NCF2: variants seen among roughly 807,000 people sequenced by gnomAD.
NCF2 encodes the protein neutrophil cytosolic factor 2, also known as neutrophil cytosol factor 2.
A neutral mutation model predicts 70.9 loss-of-function variants in NCF2; 45 were observed. The observed-to-expected ratio is 0.63, with a 90% CI of 0.50 to 0.81. NCF2 has a LOEUF of 0.81. Ranked by LOEUF, NCF2 falls within the 40% of genes least tolerant of loss-of-function variation. The pLI, the probability that NCF2 is intolerant of heterozygous loss-of-function variation, is 0.00. For missense variants in NCF2, 522 were observed against 631.6 expected, an observed-to-expected ratio of 0.83 and a Z score of 1.86; for synonymous variants, 203 against 233.6, an observed-to-expected ratio of 0.87 and a Z score of 1.19.
chr1:183,583,933 G>A (rs962319630), intron 2 of NCF2, among the ~76,000 whole-genome samples: 3 of 152,220 alleles, frequency 2.0e-5, no homozygotes, highest in Non-Finnish European at 2.9e-5. Context: ...GACAAGAGCA[G>A]TGGCTGGAAA....
In NCF2 at chr1:183,569,299, A is replaced by C. The variant is rs34680162; in HGVS notation, c.670-114T>G. 2,170 of 1,005,278 alleles carry C rather than the reference A, an allele frequency of 2.2e-3. 30 individuals are homozygous for C. The African/African-American group carries it at 0.031, about 14-fold the overall frequency. The allele number at this position is 1,005,278 out of a possible 1,614,324, so 62.3% of individuals were successfully genotyped here. On this transcript the variant is annotated intron_variant, in intron 6 of 14. Coordinates refer to ENST00000367535, the MANE Select transcript of NCF2 (RefSeq NM_000433.4). Reference sequence around the variant, plus strand: ...TTCTTCCAGACCAGAAAATCAAATAACGCATTTCTGACTGATGAGAACACT... The same window carrying C: ...TTCTTCCAGACCAGAAAATCAAATACCGCATTTCTGACTGATGAGAACACT...
intron 5 of NCF2, among the ~76,000 whole-genome samples, chr1:183,571,460 C>A (rs1327629185): frequency 6.6e-6 from 1 of 152,172 alleles, no homozygotes; most frequent in Non-Finnish European, 1.5e-5. Flanking sequence ...GCATTTATCA[C>A]ATTCACAATG....
intron 2 of NCF2, among the ~76,000 whole-genome samples, chr1:183,578,038 CTT>C (rs1282273551): frequency 6.6e-6 from 1 of 152,194 alleles, no homozygotes; most frequent in Non-Finnish European, 1.5e-5. Context: ...CTCATTCTCT[CTT>C]GAGAGCTCCA....
chr1:183,578,845 G>C (rs1250067654), intron 2 of NCF2, among the ~76,000 whole-genome samples: 1 of 152,224 alleles, frequency 6.6e-6, no homozygotes, highest in African/African-American at 2.4e-5. Flanking sequence ...TTCTGAGGAT[G>C]CTGGCCCAGG....
At chr1:183,559,624 C>T (rs746547879) in intron 14 of NCF2, among the ~76,000 whole-genome samples, 10 of 152,040 alleles carry the variant, frequency 6.6e-5, no homozygotes, top group African/African-American at 1.7e-4. Context: ...TTTAGGAGGC[C>T]GAGGCAGTTG....
At chr1:183,600,894 C>A in the NCF2 span, among the ~76,000 whole-genome samples, 241 of 152,276 alleles carry the variant, frequency 1.6e-3, 1 homozygote, top group African/African-American at 5.5e-3. Context: ...TCCCACTGAC[C>A]GCATCAGAGC....
intron 13 of NCF2, among the ~76,000 whole-genome samples, chr1:183,562,710 G>A (rs1572150080): frequency 6.6e-6 from 1 of 151,782 alleles, no homozygotes; most frequent in East Asian, 1.9e-4. Flanking sequence ...GCAGGTGCCT[G>A]TAATCCCAGC....
At position 183,555,724 on chromosome 1, in the gene NCF2, GTTTT is replaced by G; in HGVS notation, c.*390_*393del. 1 of 199,982 alleles carries G rather than the reference GTTTT, an allele frequency of 5.0e-6. No homozygotes were observed. The highest frequency in any genetic ancestry group is 8.5e-5 in the South Asian group (1 of 11,804). The allele number at this position is 199,982 out of a possible 1,614,324, so 12.4% of individuals were successfully genotyped here. ...GTGTCTTGTTTTTGTAAGATGCTAG[GTTTT>G]TTTTTATTGTGGTATGACACAGAAA... On this transcript the variant is annotated 3_prime_UTR_variant, in exon 15 of 15. Transcript: ENST00000367535.
chr1:183,599,423 C>CTTCTTTCTTTCTTTCTTTCTTTCTTTCT, the NCF2 span, among the ~76,000 whole-genome samples: 102 of 107,504 alleles, frequency 9.5e-4, 1 homozygote, highest in East Asian at 2.9e-3. Flanking sequence ...TCTTTCTTTC[C>CTTCTTTCTTTCTTTCTTTCTTTCTTTCT]TTCTTTCTTT....
chr1:183,569,319 A>T, intron 6 of NCF2, 134 bp from the exon 7 acceptor site: 1 of 852,408 alleles, frequency 1.2e-6, no homozygotes, highest in Non-Finnish European at 2.0e-6. Flanking sequence ...GACTGATGAG[A>T]ACACTGTCTA....
chr1:183,576,298 C>G (rs111447649), intron 3 of NCF2, among the ~76,000 whole-genome samples: 1 of 152,206 alleles, frequency 6.6e-6, no homozygotes, highest in Admixed American at 6.5e-5. Flanking sequence ...TTAACCCCAA[C>G]TCCAGGGGAA....
chr1:183,592,333 A>G (rs1030450188), upstream of NCF2, among the ~76,000 whole-genome samples: 15 of 152,192 alleles, frequency 9.9e-5, no homozygotes, highest in Non-Finnish European at 7.3e-5. Flanking sequence ...ACTCCTACTC[A>G]TCTTTCAAAG....
chr1:183,590,528 G>A, upstream of NCF2: 1 of 672,378 alleles, frequency 1.5e-6, no homozygotes, highest in Non-Finnish European at 2.7e-6. Flanking sequence ...CCACCTTTTG[G>A]CAACTGACTC....
chr1:183,596,521 C>T, the NCF2 span, among the ~76,000 whole-genome samples: 1 of 152,022 alleles, frequency 6.6e-6, no homozygotes, highest in Non-Finnish European at 1.5e-5. Context: ...CACCTATAAT[C>T]CCAGCACTTT....
chr1:183,561,015 A>T (rs561340320), intron 13 of NCF2, among the ~76,000 whole-genome samples: 2 of 152,326 alleles, frequency 1.3e-5, no homozygotes, highest in African/African-American at 4.8e-5. Flanking sequence ...GAATCCTGCA[A>T]TCTGTATTTT....
At chr1:183,600,513 T>C in the NCF2 span, among the ~76,000 whole-genome samples, 3 of 152,200 alleles carry the variant, frequency 2.0e-5, no homozygotes. Context: ...TTATCTGTCA[T>C]CCAGGGCTCT....
intron 13 of NCF2, among the ~76,000 whole-genome samples, chr1:183,560,846 G>A (rs1672012875): frequency 6.6e-6 from 1 of 152,194 alleles, no homozygotes; most frequent in Admixed American, 6.5e-5. Flanking sequence ...CTTGAGACAG[G>A]TAGAATGGGC....
upstream of NCF2, chr1:183,590,509 G>A (rs539242567): frequency 1.4e-6 from 1 of 707,886 alleles, no homozygotes; most frequent in East Asian, 2.7e-5. Flanking sequence ...AATGCATCAG[G>A]AAATGTCCCC....
chr1:183,578,023 C>A (rs1672879113), intron 2 of NCF2, among the ~76,000 whole-genome samples: 1 of 152,234 alleles, frequency 6.6e-6, no homozygotes, highest in Admixed American at 6.5e-5. Flanking sequence ...CTTTCCGATG[C>A]AGCTCTCATT....
Sources: gnomAD v4.1 joint callset for allele counts (sites outside exome capture counted in the v4.1 genomes callset) on GRCh38, gnomAD v4.1.1 for gene constraint, MANE v1.5 for transcripts, NCBI Gene and HGNC (gene_info 2026-07-23, HGNC 2026-07-21) for gene names.